Variants in PSMD8 observed in about 807,000 individuals in gnomAD.
The protein encoded by PSMD8 is 26S proteasome non-ATPase regulatory subunit 8.
PSMD8 carries 30 observed loss-of-function variants against 40.0 expected under a neutral mutation model. The observed-to-expected ratio is 0.75, with a 90% CI of 0.56 to 1.02. The LOEUF is 1.02. Ranked by LOEUF, PSMD8 falls within the 50% of genes least tolerant of loss-of-function variation. The pLI is 0.00. For synonymous variants in PSMD8, 208 were observed against 192.5 expected, an observed-to-expected ratio of 1.08 and a Z score of -0.67; for missense variants, 461 against 463.9, an observed-to-expected ratio of 0.99 and a Z score of 0.06.
intron 3 of PSMD8, among the ~76,000 whole-genome samples, chr19:38,378,463 G>A (rs1165046388): frequency 1.3e-5 from 2 of 150,134 alleles, no homozygotes; most frequent in South Asian, 2.1e-4. Flanking sequence ...AGCCAAGATC[G>A]GGCCACTGCA....
chr19:38,374,638 C>G lies in PSMD8; in HGVS notation c.37C>G (p.Arg13Gly), dbSNP rs888394409. Residue 13 changes from arginine to glycine, a missense_variant, in exon 1 of 7, where the codon CGA becomes GGA. By Grantham distance (125) the Arg-to-Gly change is moderately radical (BLOSUM62 -2). Around this residue, in one of 2 missense-constraint regions of PSMD8, gnomAD observed 225 missense variants for 142.7 expected, o/e 1.58. Coordinates refer to ENST00000215071, the MANE Select transcript of PSMD8 (RefSeq NM_002812.5). ...GGGCAGGGCTCCGAGGGCGCCACCT[C>G]GAGAGCGACGGCGGGCTACCCGGGG... Reference protein sequence around the residue: ...IKGRAPRAPPRERRRATRGGL... With the variant: ...IKGRAPRAPPGERRRATRGGL... 1 of 1,513,462 alleles carries G rather than the reference C, an allele frequency of 6.6e-7. No individual in the cohort carries two copies. Among genetic ancestry groups the G allele is most frequent in the East Asian group, 2.4e-5 (1 of 41,070 alleles). 93.8% of individuals were successfully genotyped at this position (1,513,462 alleles called of 1,614,324 possible). A position where few individuals can be genotyped will look rare whatever the true frequency, so the allele number is the denominator to read the frequency against.
chr19:38,376,070 C>G (rs751461948), intron 1 of PSMD8, 90 bp from the exon 2 acceptor site: 19 of 1,305,490 alleles, frequency 1.5e-5, no homozygotes, highest in Non-Finnish European at 2.0e-5. Context: ...GCTCCATTTT[C>G]CAAGTGGGAA....
chr19:38,379,091 G>T, intron 3 of PSMD8, 149 bp from the exon 4 acceptor site: 1 of 744,262 alleles, frequency 1.3e-6, no homozygotes, highest in African/African-American at 1.8e-5. Flanking sequence ...ATGCATCTTT[G>T]GGACACAGTT....
chr19:38,378,908 G>A (rs977360478), intron 3 of PSMD8, among the ~76,000 whole-genome samples: 1 of 152,076 alleles, frequency 6.6e-6, no homozygotes, highest in Non-Finnish European at 1.5e-5. Flanking sequence ...AGCCAAGAAC[G>A]CACCATTGCA....
intron 1 of PSMD8, chr19:38,375,231 C>T (rs1275697489): frequency 1.9e-6 from 1 of 518,096 alleles, no homozygotes; most frequent in South Asian, 2.1e-5. Context: ...TCGCTTGAGC[C>T]CAGGAGTTCA....
intron 5 of PSMD8, chr19:38,381,281 T>G (rs1970638603): frequency 3.2e-6 from 1 of 311,320 alleles, no homozygotes; most frequent in Admixed American, 4.8e-5. Flanking sequence ...GCGGCCTGTC[T>G]TAGCCCATCT....
intron 5 of PSMD8, 85 bp from the exon 6 acceptor site, chr19:38,382,032 A>G (rs1353647038): frequency 4.3e-6 from 4 of 919,890 alleles, no homozygotes; most frequent in Non-Finnish European, 6.9e-6. Flanking sequence ...CTCCAGGGTC[A>G]GAGCTGACAC....
In PSMD8 at chr19:38,376,386, C is replaced by T. The variant is rs1368876504; in HGVS notation, c.468C>T (p.Ile156=). 6.4e-7 allele frequency: 1 copy of T among 1,552,592 alleles called. No individual in the cohort carries two copies. Residue 156 remains isoleucine, a synonymous_variant, in exon 3 of 7, where the codon ATC becomes ATT. Coordinates refer to ENST00000215071, the MANE Select transcript of PSMD8 (RefSeq NM_002812.5). ...TGGAGATCGGGGCCCAATGGAGCAT[C>T]CTACGCAAGGACATCCCCTCCTTCG... ...DILEIGAQWS[I]LRKDIPSFER... is the part of the protein sequence containing the mutation.
intron 4 of PSMD8, among the ~76,000 whole-genome samples, chr19:38,380,020 G>C (rs752256321): frequency 1.3e-5 from 2 of 152,238 alleles, no homozygotes; most frequent in Non-Finnish European, 2.9e-5. Context: ...GTGCACAGTG[G>C]CTCACGCCTG....
intron 1 of PSMD8, 138 bp from the exon 2 acceptor site, chr19:38,376,022 T>C (rs1012951638): frequency 7.2e-6 from 6 of 832,396 alleles, no homozygotes; most frequent in African/African-American, 3.4e-5. Context: ...CTGAGTGCTT[T>C]ATGAGAAAGC....
At chr19:38,380,705 A>AGTGTGT (rs777632680) in intron 4 of PSMD8, among the ~76,000 whole-genome samples, 194 bp from the exon 5 acceptor site, 1 of 112,492 alleles carries the variant, frequency 8.9e-6, no homozygotes, top group Non-Finnish European at 2.0e-5. Context: ...AGAGAGAGAG[A>AGTGTGT]GAGTGTGTGT....
chr19:38,375,844 G>A (rs1316089828), intron 1 of PSMD8, among the ~76,000 whole-genome samples: 1 of 152,208 alleles, frequency 6.6e-6, no homozygotes, highest in Non-Finnish European at 1.5e-5. Context: ...TTCCCCAATA[G>A]ATTGTGGGGA....
In PSMD8 at chr19:38,383,720, CAT is replaced by C. The variant is rs1970663504; in HGVS notation, c.*332_*333del. Reference sequence around the variant, plus strand: ...GGACTGTTCTAGCCAGCTGTGGACACATAGGAATGCTGGACCAGGGTACCAGA... The same window carrying C: ...GGACTGTTCTAGCCAGCTGTGGACACAGGAATGCTGGACCAGGGTACCAGA... On this transcript the variant is annotated 3_prime_UTR_variant, in exon 7 of 7. Coordinates refer to ENST00000215071, the MANE Select transcript of PSMD8 (RefSeq NM_002812.5). 3.2e-6 allele frequency: 1 copy of C among 308,332 alleles called. No individual in the cohort carries two copies. Among genetic ancestry groups the C allele is most frequent in the Non-Finnish European group, 6.1e-6 (1 of 163,126 alleles). 19.1% of individuals were successfully genotyped at this position (308,332 alleles called of 1,614,324 possible). A position where few individuals can be genotyped will look rare whatever the true frequency, so the allele number is the denominator to read the frequency against.
In PSMD8 at chr19:38,383,367, C is replaced by T. The variant is rs777671110; in HGVS notation, c.1030C>T (p.Arg344Trp). 138 of 1,613,796 alleles carry T rather than the reference C, an allele frequency of 8.6e-5. No homozygotes were observed. The highest frequency in any genetic ancestry group is 1.6e-4 in the Middle Eastern group (1 of 6,084). ...GGCCAAACAGGTCATCGAGTATGCC[C>T]GGCAGCTGGAGATGATCGTCTGAGC... Reference protein sequence around the residue: ...ELAKQVIEYARQLEMIV With the variant: ...ELAKQVIEYAWQLEMIV Residue 344 changes from arginine (R) to tryptophan (W), a missense_variant, in exon 7 of 7, where the codon CGG (arginine) becomes TGG (tryptophan). Physicochemically the swap from Arg to Trp is moderately radical, Grantham distance 101. Transcript: ENST00000215071.
At position 38,379,638 on chromosome 19, in the gene PSMD8, C is replaced by T. The variant is rs1242963239; in HGVS notation, c.702+233C>T. 3.3e-5 allele frequency among the ~76,000 whole-genome samples: 5 copies of T among 152,166 alleles called. No homozygotes were observed. In the East Asian group the frequency reaches 7.7e-4, roughly 23 times the overall value. Reference sequence around the variant, plus strand: ...AATTCATGATCTTGTGGTGATGACACTGGGGTGTGGAAGCAGATAGTAAGC... The same window carrying T: ...AATTCATGATCTTGTGGTGATGACATTGGGGTGTGGAAGCAGATAGTAAGC... On this transcript the variant is annotated intron_variant, in intron 4 of 6. Transcript: ENST00000215071.
rs201431363 is a variant in PSMD8 at position 38,381,119 on chromosome 19, T to A, written c.803+120T>A. 3.1e-5 allele frequency: 23 copies of A among 752,712 alleles called. No homozygotes were observed. The East Asian group carries it at 6.5e-4, about 21-fold the overall frequency. The allele number at this position is 752,712 out of a possible 1,614,324, so 46.6% of individuals were successfully genotyped here. A position where few individuals can be genotyped will look rare whatever the true frequency, so the allele number is the denominator to read the frequency against. On this transcript the variant is annotated intron_variant, in intron 5 of 6. Coordinates refer to ENST00000215071, the MANE Select transcript of PSMD8 (RefSeq NM_002812.5). ...CTGGGTAGGCTAGGTGTGTTTCTTA[T>A]CCTCCTAGCACCTCAGCTCTCCTTT...
At chr19:38,375,163 G>A (rs73043099) in intron 1 of PSMD8, 25,970 of 878,042 alleles carry the variant, frequency 0.03, 678 homozygotes, top group South Asian at 0.096. Context: ...GAGGGACAGG[G>A]AGCGTTGATG....
chr19:38,379,294 C>T lies in PSMD8; in HGVS notation c.591C>T (p.Leu197=), dbSNP rs1970621262. 6.2e-7 allele frequency: 1 copy of T among 1,614,032 alleles called. No homozygotes were observed. Among genetic ancestry groups the T allele is most frequent in the African/African-American group, 1.3e-5 (1 of 75,062 alleles). The change falls in exon 4 of 7, where the codon CTC becomes CTT. Residue 197 remains leucine, a synonymous_variant. Transcript: ENST00000215071. ...ACCAGCTCTTGGGCCTCAACCTCCT[C>T]TTCCTGCTGTCCCAGAACCGGGTGG... ...YMHQLLGLNL[L]FLLSQNRVAE...
chr19:38,382,295 G>A (rs1206408409), intron 6 of PSMD8, 67 bp downstream of exon 6: 1 of 1,268,356 alleles, frequency 7.9e-7, no homozygotes, highest in South Asian at 1.3e-5. Context: ...AGTGTGGGGT[G>A]GCTTAGAGGG....
Sources: allele counts gnomAD v4.1 joint callset (sites outside exome capture counted in the v4.1 genomes callset), GRCh38; gene constraint gnomAD v4.1.1; regional missense constraint gnomAD v4.1.1; transcripts MANE v1.5; gene names NCBI Gene and HGNC (gene_info 2026-07-23, HGNC 2026-07-21).